Variants in DOCK3 observed in about 807,000 individuals in gnomAD.
The protein encoded by DOCK3 is dedicator of cytokinesis 3, also known as dedicator of cytokinesis protein 3.
Under a neutral mutation model 265.6 loss-of-function variants are expected in DOCK3, and 60 were observed. That is an observed-to-expected ratio of 0.23 (90% confidence interval 0.18 to 0.28). The LOEUF is 0.28. Ranked by LOEUF, DOCK3 falls within the 10% of genes least tolerant of loss-of-function variation. DOCK3 has a pLI of 1.00. For missense variants in DOCK3, 1,981 were observed against 2,594.3 expected (o/e 0.76, Z 5.14); for synonymous variants, 881 against 938.0 (o/e 0.94, Z 1.11).
At chr3:51,360,106 A>G in intron 46 of DOCK3, among the ~76,000 whole-genome samples, 1 of 152,224 alleles carries the variant, frequency 6.6e-6, no homozygotes, top group East Asian at 1.9e-4. Flanking sequence ...ATAAAACCCA[A>G]CACCAATCCT....
At chr3:50,686,889 A>G (rs2034853863) in intron 1 of DOCK3, among the ~76,000 whole-genome samples, 1 of 142,160 alleles carries the variant, frequency 7.0e-6, no homozygotes, top group Non-Finnish European at 1.5e-5. Flanking sequence ...AGCCTGGGCA[A>G]CAGAGCAAGA....
chr3:51,046,861 A>C (rs2080796914), intron 5 of DOCK3, among the ~76,000 whole-genome samples: 1 of 152,208 alleles, frequency 6.6e-6, no homozygotes, highest in Non-Finnish European at 1.5e-5. Context: ...AAATCACTTT[A>C]AATATATTTT....
chr3:50,749,037 C>T (rs925668407), intron 1 of DOCK3, among the ~76,000 whole-genome samples: 1 of 152,098 alleles, frequency 6.6e-6, no homozygotes, highest in Non-Finnish European at 1.5e-5. Flanking sequence ...TGCCTTCTTT[C>T]CTCCCTCCCT....
In DOCK3 at chr3:50,870,714, T is replaced by G. The variant is rs1022135092; in HGVS notation, c.163-19312T>G. On this transcript the variant is annotated intron_variant, in intron 3 of 52. Transcript: ENST00000266037. ...CTTTCTTTCCATTCTATCTTCTTTT[T>G]TGTGAAGATATTTTTCTGTGGTGAT... Among the ~76,000 whole-genome samples the G allele has an allele frequency of 5.9e-5, 9 of 152,088 alleles. No homozygotes were observed. The East Asian group carries it at 1.3e-3, about 23-fold the overall frequency.
intron 3 of DOCK3, among the ~76,000 whole-genome samples, chr3:50,883,951 G>T (rs1017360155): frequency 6.6e-6 from 1 of 152,010 alleles, no homozygotes; most frequent in African/African-American, 2.4e-5. Flanking sequence ...TGCCTATTCT[G>T]AATATTTCAT....
intron 1 of DOCK3, among the ~76,000 whole-genome samples, chr3:50,718,944 C>T (rs556252520): frequency 2.0e-5 from 3 of 151,906 alleles, no homozygotes; most frequent in African/African-American, 7.2e-5. Context: ...CCACCATGCC[C>T]GGCTAATTTT....
At chr3:51,064,310 T>C (rs979300181) in intron 5 of DOCK3, 138 bp from the exon 6 acceptor site, 90 of 1,141,294 alleles carry the variant, frequency 7.9e-5, no homozygotes, top group Non-Finnish European at 1.0e-4. Context: ...TTTCAGACTT[T>C]AAAATTAAGT....
intron 3 of DOCK3, among the ~76,000 whole-genome samples, chr3:50,851,999 A>G (rs1047367553): frequency 1.3e-5 from 2 of 152,182 alleles, no homozygotes; most frequent in Non-Finnish European, 2.9e-5. Flanking sequence ...ACTCTCCCCA[A>G]TTTAACTCCA....
intron 1 of DOCK3, among the ~76,000 whole-genome samples, chr3:50,768,518 A>G (rs980287044): frequency 6.6e-6 from 1 of 152,240 alleles, no homozygotes; most frequent in Non-Finnish European, 1.5e-5. Context: ...CTGGTTCAAC[A>G]TATGCAAATC....
intron 1 of DOCK3, among the ~76,000 whole-genome samples, chr3:50,700,008 A>T (rs975496693): frequency 1.3e-5 from 2 of 152,032 alleles, no homozygotes; most frequent in African/African-American, 4.8e-5. Flanking sequence ...TCTGGAAGGG[A>T]GTGGTGGCTC....
At chr3:51,023,699 C>T (rs2108895117) in intron 5 of DOCK3, among the ~76,000 whole-genome samples, 1 of 152,292 alleles carries the variant, frequency 6.6e-6, no homozygotes, top group Admixed American at 6.5e-5. Flanking sequence ...TTGGCATGAG[C>T]CATCAGGCCT....
chr3:50,978,846 G>A (rs1367748788), intron 5 of DOCK3, among the ~76,000 whole-genome samples: 2 of 152,206 alleles, frequency 1.3e-5, no homozygotes, highest in South Asian at 2.1e-4. Context: ...ATAATCTTGT[G>A]GTGTGCCGTT....
chr3:51,157,311 T>C lies in DOCK3; in HGVS notation c.829-1933T>C, dbSNP rs1015441752. On this transcript the variant is annotated intron_variant, in intron 10 of 52. Transcript: ENST00000266037. ...CTGTCACTGGAGTACAGTGGCACAA[T>C]CTGGGCTCACTGCAGCCTCCACCTC... Among the ~76,000 whole-genome samples, 15 of 152,260 alleles carry C rather than the reference T, an allele frequency of 9.9e-5. 1 individual carries two copies. Among genetic ancestry groups the C allele is most frequent in the South Asian group, 6.2e-4 (3 of 4,828 alleles).
At chr3:51,106,838 A>G (rs2083301283) in intron 9 of DOCK3, among the ~76,000 whole-genome samples, 1 of 152,164 alleles carries the variant, frequency 6.6e-6, no homozygotes, top group Admixed American at 6.5e-5. Context: ...CTCAGTACCC[A>G]CTAGCACCCT....
chr3:50,863,988 G>T (rs79286255), intron 3 of DOCK3, among the ~76,000 whole-genome samples: 2,393 of 152,238 alleles, frequency 0.016, 75 homozygotes, highest in African/African-American at 0.055. Flanking sequence ...GCAGGGGATT[G>T]CTGGATCATA....
chr3:50,757,789 T>C (rs1261186796), intron 1 of DOCK3, among the ~76,000 whole-genome samples: 1 of 152,152 alleles, frequency 6.6e-6, no homozygotes, highest in African/African-American at 2.4e-5. Context: ...GTTTATGATG[T>C]GAAGTAAGAA....
chr3:50,778,826 T>C, intron 2 of DOCK3, 68 bp downstream of exon 2: 1 of 1,105,620 alleles, frequency 9.0e-7, no homozygotes, highest in Non-Finnish European at 1.3e-6. Flanking sequence ...ATTTATTTTG[T>C]GCTAATAAGA....
At chr3:50,841,071 C>T (rs780762146) in intron 2 of DOCK3, among the ~76,000 whole-genome samples, 6 of 152,132 alleles carry the variant, frequency 3.9e-5, no homozygotes, top group African/African-American at 7.2e-5. Context: ...CTATAGCAAA[C>T]CTCTGAAAAT....
Position 50,979,365 on chromosome 3 carries a change from A to C in DOCK3, c.315+45288A>C, listed in dbSNP as rs371306569. On this transcript the variant is annotated intron_variant, in intron 5 of 52. Transcript: ENST00000266037. The stretch of plus-strand genomic sequence containing the variant: ...AAAGCTCATGTTGAAATGTTATCCC[A>C]ATATTGGAGATAGGGCTCAGTGGGA... Among the ~76,000 whole-genome samples the C allele has an allele frequency of 2.0e-4, 30 of 152,264 alleles. No individual in the cohort carries two copies. In the South Asian group the frequency reaches 6.2e-3, roughly 32 times the overall value.
Sources: gnomAD v4.1 joint callset for allele counts (sites outside exome capture counted in the v4.1 genomes callset) on GRCh38, gnomAD v4.1.1 for gene constraint, MANE v1.5 for transcripts, NCBI Gene and HGNC (gene_info 2026-07-23, HGNC 2026-07-21) for gene names.